Variants in CEP250 observed in about 807,000 individuals in gnomAD.
CEP250 encodes the protein centrosome-associated protein CEP250.
Under a neutral mutation model 315.7 loss-of-function variants are expected in CEP250, and 242 were observed. The ratio of observed to expected loss-of-function variants is 0.77; its 90% CI spans 0.69 to 0.85. CEP250 has a LOEUF of 0.85. Among genes scored for constraint, CEP250 ranks in the 40% least tolerant of loss-of-function variants. CEP250 has a pLI of 0.00. For missense variants in CEP250, 2,515 were observed against 2,886.4 expected, an observed-to-expected ratio of 0.87 and a Z score of 2.95; for synonymous variants, 1,088 against 1,175.0, an observed-to-expected ratio of 0.93 and a Z score of 1.51.
chr20:35,480,172 G>C (rs767736959), intron 20 of CEP250, 27 bp downstream of exon 20: 4 of 1,593,262 alleles, frequency 2.5e-6, no homozygotes, highest in African/African-American at 1.3e-5. Flanking sequence ...GCCGGGTATG[G>C]CCTCCCTTCC....
rs1218725133 is a variant in CEP250, at chr20:35,503,355, G to A, written c.4986G>A (p.Leu1662=). The A allele has an allele frequency of 6.2e-7, 1 of 1,614,044 alleles. No homozygotes were observed. The highest frequency in any genetic ancestry group is 1.3e-5 in the African/African-American group (1 of 74,916). ...DLERRDQELM[L]QKERIQVLED... is the part of the protein sequence containing the mutation. ...AGAGGAGAGACCAGGAGCTGATGCTGCAGAAGGAGAGGATTCAGGTTCTCG... is the reference window on the plus strand; with the variant it reads ...AGAGGAGAGACCAGGAGCTGATGCTACAGAAGGAGAGGATTCAGGTTCTCG... Residue 1662 remains leucine (L), a synonymous_variant, in exon 30 of 35, where the codon CTG becomes CTA. Coordinates refer to ENST00000397527, the MANE Select transcript of CEP250 (RefSeq NM_007186.6). The surrounding 1 kb of genome is among the most constrained non-coding windows in gnomAD (Gnocchi z 4.2).
In CEP250 at chr20:35,519,240, T is replaced by G. The variant is rs1194321380; in HGVS notation, c.*7614T>G. 1 of 152,014 alleles carries G rather than the reference T, an allele frequency of 6.6e-6. No homozygotes were observed. The highest frequency in any genetic ancestry group is 1.5e-5 in the Non-Finnish European group (1 of 68,006). The allele number at this position is 152,014 out of a possible 1,614,324, so 9.4% of individuals were successfully genotyped here. On this transcript the variant is annotated 3_prime_UTR_variant, in exon 35 of 35. Coordinates refer to ENST00000397527, the MANE Select transcript of CEP250 (RefSeq NM_007186.6). ...CATTGATAACTTTTAAATGGTAAAT[T>G]TTGTGTATTATTTTGTCACAATAAA... is the stretch of plus-strand genomic sequence containing the variant.
rs750308771 is a variant in CEP250 at position 35,502,684 on chromosome 20, ACT to A, written c.4318_4319del (p.Leu1440AlafsTer46). ...AGCTGAAAGAGAAGAGGAGGTGGAG[ACT>A]CTGCGGGGACAAATCCAGGAACTGG... ...TLAEREEEVE[T>X]LRGQIQELEK... is the part of the protein sequence containing the mutation. On this transcript the variant is annotated frameshift_variant, in exon 30 of 35. Coordinates refer to ENST00000397527, the MANE Select transcript of CEP250 (RefSeq NM_007186.6). LOFTEE classifies it high-confidence loss of function. The A allele has an allele frequency of 9.3e-6, 15 of 1,614,052 alleles. No homozygotes were observed. The highest frequency in any genetic ancestry group is 3.3e-5 in the South Asian group (3 of 91,086).
chr20:35,476,550 G>C lies in CEP250; in HGVS notation c.1818G>C (p.Glu606Asp). The change falls in exon 16 of 35, where the codon GAG (glutamate) becomes GAC (aspartate). Residue 606 changes from glutamate (E) to aspartate (D), a missense_variant. By Grantham distance (45) the Glu-to-Asp change is conservative. Transcript: ENST00000397527. The part of the protein sequence containing the change: ...AAAVKLSALN[E>D]ALALDKVGLN... ...CTGTCAAGCTCAGTGCCTTAAATGA[G>C]GCTTTGGCGTTAGATAAAGTTGGGC... The C allele has an allele frequency of 1.2e-6, 2 of 1,613,982 alleles. No homozygotes were observed. Among genetic ancestry groups the C allele is most frequent in the Admixed American group, 1.7e-5 (1 of 60,020 alleles).
In CEP250 at chr20:35,473,905, T is replaced by C. The variant is rs2063095138; in HGVS notation, c.1424T>C (p.Leu475Pro). 1 of 1,613,138 alleles carries C rather than the reference T, an allele frequency of 6.2e-7. No homozygotes were observed. Among genetic ancestry groups the C allele is most frequent in the African/African-American group, 1.3e-5 (1 of 74,824 alleles). Residue 475 changes from leucine to proline, a missense_variant, in exon 14 of 35, where the codon CTG (leucine) becomes CCG (proline). Transcript: ENST00000397527. ...CTGCTGCAGAAGGCCAGGGAAGAGC[T>C]GCGGCAGCAGCTGGAGGTGCTAGAG... Reference protein sequence around the residue: ...RELLQKAREELRQQLEVLEQE... With the variant: ...RELLQKAREEPRQQLEVLEQE...
rs2062913389 is a variant in CEP250, at chr20:35,467,445, G to T, written c.741G>T (p.Leu247=). 1 of 1,614,212 alleles carries T rather than the reference G, an allele frequency of 6.2e-7. No individual in the cohort carries two copies. ...RMDGREPAQL[L]LLLAKTQELE... Reference sequence around the variant, plus strand: ...ATGGGCGGGAGCCGGCCCAGCTGCTGCTGCTACTAGCCAAGACCCAGGAGC... The same window carrying T: ...ATGGGCGGGAGCCGGCCCAGCTGCTTCTGCTACTAGCCAAGACCCAGGAGC... Residue 247 remains leucine, a synonymous_variant, in exon 9 of 35, where the codon CTG becomes CTT. Coordinates refer to ENST00000397527, the MANE Select transcript of CEP250 (RefSeq NM_007186.6).
At position 35,498,030 on chromosome 20, in the gene CEP250, G is replaced by A. The variant is rs535897032; in HGVS notation, c.3618G>A (p.Gly1206=). The A allele has an allele frequency of 3.8e-6, 6 of 1,597,504 alleles. No individual in the cohort carries two copies. The South Asian group carries it at 4.4e-5, about 12-fold the overall frequency. The change falls in exon 26 of 35, where the codon GGG becomes GGA. Residue 1206 remains glycine (G), a synonymous_variant. Transcript: ENST00000397527. ...VCESRPELSG[G]GDSAPSVWGL... is the part of the protein sequence containing the mutation. Reference sequence around the variant, plus strand: ...AGAGCAGGCCTGAGCTGAGTGGTGGGGGAGACTCTGCTCCTTCCGTCTGGG... The same window carrying A: ...AGAGCAGGCCTGAGCTGAGTGGTGGAGGAGACTCTGCTCCTTCCGTCTGGG...
At position 35,493,489 on chromosome 20, in the gene CEP250, G is replaced by T; in HGVS notation, c.2950G>T (p.Ala984Ser). 6.2e-6 allele frequency: 10 copies of T among 1,610,306 alleles called. No individual in the cohort carries two copies. The highest frequency in any genetic ancestry group is 8.5e-6 in the Non-Finnish European group (10 of 1,178,462). Residue 984 changes from alanine (A) to serine (S), a missense_variant, in exon 23 of 35, where the codon GCC (alanine) becomes TCC (serine). Transcript: ENST00000397527. ...QEAQRELKEA[A>S]RQHRDDLAAL... ...GGCTCAACGGGAGCTGAAGGAGGCA[G>T]CCCGGCAGCACAGAGATGACCTTGC...
At chr20:35,484,172 CT>C (rs999169003) in intron 20 of CEP250, among the ~76,000 whole-genome samples, 7 of 150,898 alleles carry the variant, frequency 4.6e-5, no homozygotes, top group South Asian at 4.2e-4. Context: ...GGAAATTTTC[CT>C]TTTTTTTTCT....
rs1356458404 is a variant in CEP250 at position 35,516,293 on chromosome 20, G to A, written c.*4667G>A. The A allele has an allele frequency of 6.6e-6, 1 of 152,240 alleles. No individual in the cohort carries two copies. Among genetic ancestry groups the A allele is most frequent in the Non-Finnish European group, 1.5e-5 (1 of 68,046 alleles). The allele number at this position is 152,240 out of a possible 1,614,324, so 9.4% of individuals were successfully genotyped here. A position where few individuals can be genotyped will look rare whatever the true frequency, so the allele number is the denominator to read the frequency against. ...TAATTACTACCAGTTGTTCAGGTGAGGGAATCAGGGAAGGCCAGATTAATA... is the reference window on the plus strand; with the variant it reads ...TAATTACTACCAGTTGTTCAGGTGAAGGAATCAGGGAAGGCCAGATTAATA... On this transcript the variant is annotated 3_prime_UTR_variant, in exon 35 of 35. Transcript: ENST00000397527.
At position 35,516,365 on chromosome 20, in the gene CEP250, C is replaced by T. The variant is rs1185541100; in HGVS notation, c.*4739C>T. The stretch of plus-strand genomic sequence containing the variant: ...CTCCTGTCTTGGTTTCCTATCAAAA[C>T]CTCTCCCGTATCTATGAACATTCCA... On this transcript the variant is annotated 3_prime_UTR_variant, in exon 35 of 35. Coordinates refer to ENST00000397527, the MANE Select transcript of CEP250 (RefSeq NM_007186.6). 6.6e-6 allele frequency: 1 copy of T among 152,262 alleles called. No homozygotes were observed. Among genetic ancestry groups the T allele is most frequent in the African/African-American group, 2.4e-5 (1 of 41,472 alleles). The allele number at this position is 152,262 out of a possible 1,614,324, so 9.4% of individuals were successfully genotyped here.
At chr20:35,475,473 C>T in intron 14 of CEP250, 29 bp from the exon 15 acceptor site, 1 of 1,612,038 alleles carries the variant, frequency 6.2e-7, no homozygotes, top group Non-Finnish European at 8.5e-7. Context: ...CCTAAGAGTT[C>T]CTCTAGACCC....
At chr20:35,502,299 A>C (rs1380232829) in intron 29 of CEP250, 91 bp from the exon 30 acceptor site, 344 of 1,070,482 alleles carry the variant, frequency 3.2e-4, no homozygotes, top group Non-Finnish European at 4.1e-4. Flanking sequence ...TATCACTGCT[A>C]GTGCCACAAA....
At position 35,479,708 on chromosome 20, in the gene CEP250, A is replaced by AG; in HGVS notation, c.2353dup (p.Val785GlyfsTer34). The AG allele has an allele frequency of 1.2e-6, 2 of 1,614,202 alleles. No homozygotes were observed. Among genetic ancestry groups the AG allele is most frequent in the Non-Finnish European group, 1.7e-6 (2 of 1,180,038 alleles). ...GCCCAACAACAAAATTCTGTGATAG[A>AG]GGTCACCAAGGGGCAGCTGGAGGTC... On this transcript the variant is annotated frameshift_variant, in exon 19 of 35. Coordinates refer to ENST00000397527, the MANE Select transcript of CEP250 (RefSeq NM_007186.6). LOFTEE classifies it high-confidence loss of function.
chr20:35,476,706 C>T, intron 16 of CEP250, 111 bp downstream of exon 16: 1 of 893,638 alleles, frequency 1.1e-6, no homozygotes, highest in Non-Finnish European at 1.7e-6. Flanking sequence ...ATTTACAATG[C>T]AGAGGAGAGC....
intron 12 of CEP250, 132 bp downstream of exon 12, chr20:35,472,963 C>A: frequency 1.2e-6 from 1 of 830,408 alleles, no homozygotes. Flanking sequence ...GTCAATATCC[C>A]AGAGTAAATC....
At position 35,504,613 on chromosome 20, in the gene CEP250, CAA is replaced by C; in HGVS notation, c.6245_6246del (p.Gln2082ArgfsTer60). 1 of 1,613,980 alleles carries C rather than the reference CAA, an allele frequency of 6.2e-7. No homozygotes were observed. Among genetic ancestry groups the C allele is most frequent in the Non-Finnish European group, 8.5e-7 (1 of 1,179,958 alleles). On this transcript the variant is annotated frameshift_variant, in exon 30 of 35. Coordinates refer to ENST00000397527, the MANE Select transcript of CEP250 (RefSeq NM_007186.6). LOFTEE classifies it high-confidence loss of function. ...GATCCAAGAGAAGCAGAATCTGGGG[CAA>C]GAGAGAGAAGAGGAGGAGATAAGGG... ...NMIQEKQNLGQEREEEEIRGL... is the reference protein window; with the variant it reads ...NMIQEKQNLGXEREEEEIRGL...
Position 35,491,313 on chromosome 20 carries a change from G to T in CEP250, c.2856G>T (p.Arg952Ser), listed in dbSNP as rs1463592313. ...ADASQQLERLRQDMKVQKLKE... is the reference protein window; with the variant it reads ...ADASQQLERLSQDMKVQKLKE... ...CCAGCCAACAACTGGAACGACTGAG[G>T]CAGGACATGAAAGTCCAGAAATTAA... Residue 952 changes from arginine to serine, a missense_variant, in exon 22 of 35, where the codon AGG becomes AGT. Arg to Ser is a moderately radical substitution (Grantham distance 110). Coordinates refer to ENST00000397527, the MANE Select transcript of CEP250 (RefSeq NM_007186.6). 6.2e-7 allele frequency: 1 copy of T among 1,600,120 alleles called. No individual in the cohort carries two copies. Among genetic ancestry groups the T allele is most frequent in the Non-Finnish European group, 8.5e-7 (1 of 1,172,876 alleles).
At chr20:35,502,369 G>T (rs754694776) in intron 29 of CEP250, 21 bp from the exon 30 acceptor site, 56 of 1,589,594 alleles carry the variant, frequency 3.5e-5, no homozygotes, top group Non-Finnish European at 4.6e-5. Flanking sequence ...GTCTAAAGTG[G>T]CTTTTCATCT....
Sources: allele counts gnomAD v4.1 joint callset (sites outside exome capture counted in the v4.1 genomes callset), GRCh38; gene constraint gnomAD v4.1.1; non-coding constraint Gnocchi (gnomAD v3.1); transcripts MANE v1.5; gene names NCBI Gene and HGNC (gene_info 2026-07-23, HGNC 2026-07-21).